Variants in PTPRC observed in about 807,000 individuals in gnomAD.
PTPRC encodes the protein protein tyrosine phosphatase receptor type C, also known as receptor-type tyrosine-protein phosphatase C.
A neutral mutation model predicts 155.9 loss-of-function variants in PTPRC; 44 were observed. The ratio of observed to expected loss-of-function variants is 0.28; its 90% confidence interval spans 0.22 to 0.36. The LOEUF (loss-of-function observed/expected upper bound fraction) is 0.36, where lower values mean the gene tolerates loss of function less well. Ranked by LOEUF, PTPRC falls within the 10% of genes least tolerant of loss-of-function variation. The pLI, the probability that PTPRC is intolerant of heterozygous loss-of-function variation, is 1.00. For missense variants in PTPRC, 1,401 were observed against 1,564.6 expected (o/e 0.90, Z 1.76); for synonymous variants, 525 against 533.1 (o/e 0.98, Z 0.21).
chr1:198,663,844 T>C (rs1664125406), intron 2 of PTPRC, among the ~76,000 whole-genome samples: 1 of 152,134 alleles, frequency 6.6e-6, no homozygotes, highest in South Asian at 2.1e-4. Context: ...ATGTTAGTAA[T>C]TATTATTTTC....
At chr1:198,686,917 C>A (rs2102350069) in intron 2 of PTPRC, among the ~76,000 whole-genome samples, 1 of 152,288 alleles carries the variant, frequency 6.6e-6, no homozygotes, top group African/African-American at 2.4e-5. Context: ...ATTGGACAAG[C>A]ACAGTAATAT....
At chr1:198,755,719 A>G (rs956526543) in intron 32 of PTPRC, among the ~76,000 whole-genome samples, 187 bp from the exon 33 acceptor site, 1 of 152,100 alleles carries the variant, frequency 6.6e-6, no homozygotes, top group Non-Finnish European at 1.5e-5. Flanking sequence ...AGTATCCTGC[A>G]GTCAACCCTT....
chr1:198,674,725 T>A lies in PTPRC; in HGVS notation c.74-17622T>A, dbSNP rs532711678. On this transcript the variant is annotated intron_variant, in intron 2 of 32. Coordinates refer to ENST00000442510, the MANE Select transcript of PTPRC (RefSeq NM_002838.5). ...TCTCTGAACTAGTTACAAACAAACCTTTTAAAAATAAGCTTTCAATTTGGG... is the reference window on the plus strand; with the variant it reads ...TCTCTGAACTAGTTACAAACAAACCATTTAAAAATAAGCTTTCAATTTGGG... 1.6e-3 allele frequency among the ~76,000 whole-genome samples: 248 copies of A among 152,084 alleles called. 1 individual carries two copies. The highest frequency in any genetic ancestry group is 2.2e-3 in the Non-Finnish European group (148 of 67,946).
intron 2 of PTPRC, among the ~76,000 whole-genome samples, chr1:198,666,597 G>A (rs1664323128): frequency 6.6e-6 from 1 of 152,040 alleles, no homozygotes; most frequent in African/African-American, 2.4e-5. Flanking sequence ...AATATGCGGA[G>A]GGCTATAACA....
intron 15 of PTPRC, among the ~76,000 whole-genome samples, chr1:198,724,703 T>TC (rs559555185): frequency 6.6e-6 from 1 of 151,112 alleles, no homozygotes. Flanking sequence ...TCTCTCTCTC[T>TC]TTTTTTGGTC....
intron 2 of PTPRC, among the ~76,000 whole-genome samples, chr1:198,680,249 T>C (rs1665237814): frequency 6.6e-6 from 1 of 152,148 alleles, no homozygotes; most frequent in Non-Finnish European, 1.5e-5. Flanking sequence ...AGGACGGAGT[T>C]CGAGACCAGC....
chr1:198,732,137 A>G (rs938281763), intron 18 of PTPRC, among the ~76,000 whole-genome samples, 163 bp from the exon 19 acceptor site: 5 of 150,630 alleles, frequency 3.3e-5, no homozygotes, highest in Non-Finnish European at 7.4e-5. Flanking sequence ...TTTTTTTTTT[A>G]ACATAATTCC....
intron 20 of PTPRC, 120 bp downstream of exon 20, chr1:198,732,676 A>G: frequency 1.3e-6 from 1 of 743,078 alleles, no homozygotes; most frequent in East Asian, 2.7e-5. Flanking sequence ...TGTCACTGAT[A>G]TAAACAAAAA....
intron 12 of PTPRC, among the ~76,000 whole-genome samples, chr1:198,715,958 C>T (rs72738056): frequency 0.013 from 1,956 of 152,240 alleles, 23 homozygotes; most frequent in Non-Finnish European, 0.016. Flanking sequence ...AAGTCTTCTG[C>T]CTGAGTGTGA....
chr1:198,696,150 C>T (rs1382346365), intron 3 of PTPRC, among the ~76,000 whole-genome samples: 1 of 149,426 alleles, frequency 6.7e-6, no homozygotes, highest in Non-Finnish European at 1.5e-5. Flanking sequence ...CAGAGTGAGA[C>T]TCTGTCTCAA....
At chr1:198,646,280 A>C (rs1003480916) in intron 2 of PTPRC, among the ~76,000 whole-genome samples, 1 of 151,862 alleles carries the variant, frequency 6.6e-6, no homozygotes, top group Non-Finnish European at 1.5e-5. Context: ...TATTAGATTC[A>C]TGAATCCATT....
intron 2 of PTPRC, among the ~76,000 whole-genome samples, chr1:198,673,785 A>C (rs1346334812): frequency 1.3e-5 from 2 of 152,210 alleles, no homozygotes; most frequent in Non-Finnish European, 2.9e-5. Flanking sequence ...TTTCCCAAGA[A>C]ATGCGGTAGA....
intron 23 of PTPRC, among the ~76,000 whole-genome samples, chr1:198,740,567 G>A (rs1654852331): frequency 6.8e-6 from 1 of 147,902 alleles, no homozygotes; most frequent in South Asian, 2.1e-4. Flanking sequence ...GGGCTTTGCA[G>A]TGAGACTTTA....
intron 2 of PTPRC, chr1:198,679,834 G>A (rs1056042848): frequency 1.8e-6 from 1 of 557,272 alleles, no homozygotes; most frequent in African/African-American, 1.9e-5. Context: ...GGGAGCGTCC[G>A]GGTCTGTTAG....
At chr1:198,750,376 T>C (rs778359766) in intron 28 of PTPRC, 116 bp from the exon 29 acceptor site, 1 of 1,058,192 alleles carries the variant, frequency 9.5e-7, no homozygotes, top group South Asian at 1.3e-5. Flanking sequence ...AGAATATTAC[T>C]ATTTGTATGT....
chr1:198,652,958 A>G (rs759303530), intron 2 of PTPRC, among the ~76,000 whole-genome samples: 2 of 151,868 alleles, frequency 1.3e-5, no homozygotes, highest in African/African-American at 2.4e-5. Context: ...AAGTAGAACG[A>G]GTCAGATACA....
chr1:198,729,348 C>A (rs1654286049), intron 17 of PTPRC, among the ~76,000 whole-genome samples, 177 bp downstream of exon 17: 1 of 151,996 alleles, frequency 6.6e-6, no homozygotes, highest in South Asian at 2.1e-4. Context: ...TGAAGCAATT[C>A]TCATGTGCCT....
chr1:198,754,527 C>A lies in PTPRC; in HGVS notation c.3645+123C>A. 6.9e-6 allele frequency: 8 copies of A among 1,162,078 alleles called. No homozygotes were observed. The South Asian group carries it at 1.1e-4, about 16-fold the overall frequency. The allele number at this position is 1,162,078 out of a possible 1,614,324, so 72.0% of individuals were successfully genotyped here. A position where few individuals can be genotyped will look rare whatever the true frequency, so the allele number is the denominator to read the frequency against. The stretch of plus-strand genomic sequence containing the variant: ...GTTCTTTTTTCCCCTTTCCTTTTCT[C>A]TTCTCTATTTTCTTTCCTATTCTTT... On this transcript the variant is annotated intron_variant, in intron 32 of 32. Transcript: ENST00000442510.
chr1:198,685,150 G>A (rs1460793431), intron 2 of PTPRC, among the ~76,000 whole-genome samples: 1 of 151,974 alleles, frequency 6.6e-6, no homozygotes, highest in Admixed American at 6.6e-5. Flanking sequence ...TAAGCAGAAA[G>A]TCCTTTACTC....
Sources: gnomAD v4.1 joint callset for allele counts (sites outside exome capture counted in the v4.1 genomes callset) on GRCh38, gnomAD v4.1.1 for gene constraint, MANE v1.5 for transcripts, NCBI Gene and HGNC (gene_info 2026-07-23, HGNC 2026-07-21) for gene names.